Variants in ACSM2A observed in about 807,000 individuals in gnomAD.
ACSM2A encodes acyl-CoA synthetase medium chain family member 2A.
ACSM2A carries 72 observed loss-of-function variants against 76.6 expected under a neutral mutation model. The observed-to-expected ratio is 0.94, with a 90% CI of 0.78 to 1.14. ACSM2A has a LOEUF of 1.14. Ranked by LOEUF, ACSM2A falls within the 50% of genes most tolerant of loss-of-function variation. The pLI is 0.00. For synonymous variants in ACSM2A, 249 were observed against 255.9 expected, an observed-to-expected ratio of 0.97 and a Z score of 0.26; for missense variants, 684 against 708.5, an observed-to-expected ratio of 0.97 and a Z score of 0.39.
chr16:20,474,063 T>TG (rs2013578361), intron 6 of ACSM2A: 2 of 450,654 alleles, frequency 4.4e-6, no homozygotes, highest in African/African-American at 4.0e-5. Context: ...CAAACCAATG[T>TG]ATTTTTTAAA....
Position 20,486,623 on chromosome 16 carries a change from G to T in ACSM2A, c.1679G>T (p.Arg560Leu). 6.2e-7 allele frequency: 1 copy of T among 1,614,160 alleles called. No individual in the cohort carries two copies. The highest frequency in any genetic ancestry group is 8.5e-7 in the Non-Finnish European group (1 of 1,180,014). The change falls in exon 14 of 14, where the codon CGA becomes CTA. Residue 560 changes from arginine to leucine, a missense_variant. Coordinates refer to ENST00000573854, the MANE Select transcript of ACSM2A (RefSeq NM_001308172.2). ...AAGACTGTCACAGGGAAAATTCAAC[G>T]AGCCAAGCTTCGAGACAAGGAGTGG... The part of the protein sequence containing the change: ...LPKTVTGKIQ[R>L]AKLRDKEWKM...
Position 20,471,671 on chromosome 16 carries a change from C to A in ACSM2A, c.876C>A (p.Asp292Glu), listed in dbSNP as rs761942823. The change falls in exon 6 of 14, where the codon GAC (aspartate) becomes GAA (glutamate). Residue 292 changes from aspartate to glutamate, a missense_variant. Coordinates refer to ENST00000573854, the MANE Select transcript of ACSM2A (RefSeq NM_001308172.2). Reference protein sequence around the residue: ...CTFVHLLPKFDPLVILKTLSS... With the variant: ...CTFVHLLPKFEPLVILKTLSS... Reference sequence around the variant, plus strand: ...TTGTTCATCTCTTGCCAAAGTTTGACCCACTGGTTATTCTAAAGGTAAGAG... The same window carrying A: ...TTGTTCATCTCTTGCCAAAGTTTGAACCACTGGTTATTCTAAAGGTAAGAG... 6.2e-6 allele frequency: 10 copies of A among 1,613,600 alleles called. No homozygotes were observed. Among genetic ancestry groups the A allele is most frequent in the Non-Finnish European group, 8.5e-6 (10 of 1,179,656 alleles).
intron 2 of ACSM2A, among the ~76,000 whole-genome samples, chr16:20,463,568 C>G: frequency 6.6e-6 from 1 of 152,066 alleles, no homozygotes; most frequent in Non-Finnish European, 1.5e-5. Context: ...TGCACCTGCT[C>G]CCCCTTCACC....
At chr16:20,466,955 G>C (rs1439394852) in intron 3 of ACSM2A, among the ~76,000 whole-genome samples, 1 of 152,164 alleles carries the variant, frequency 6.6e-6, no homozygotes, top group Non-Finnish European at 1.5e-5. Context: ...GTTAGTTTCA[G>C]GAAAGAGCTA....
chr16:20,476,647 C>T (rs1255212039), intron 8 of ACSM2A: 2 of 986,170 alleles, frequency 2.0e-6, no homozygotes, highest in African/African-American at 3.5e-5. Flanking sequence ...CACTCAGCAG[C>T]CTCTCTTCTG....
chr16:20,479,398 T>C (rs2141754713), intron 10 of ACSM2A, among the ~76,000 whole-genome samples: 1 of 152,320 alleles, frequency 6.6e-6, no homozygotes, highest in East Asian at 1.9e-4. Flanking sequence ...CATTTAAACT[T>C]TAAACTCGTT....
chr16:20,467,565 G>A (rs1240113166), intron 3 of ACSM2A, among the ~76,000 whole-genome samples: 1 of 152,140 alleles, frequency 6.6e-6, no homozygotes, highest in African/African-American at 2.4e-5. Flanking sequence ...CAATTGGGGG[G>A]TGAACTAATA....
At chr16:20,483,987 G>T (rs2014261434) in intron 13 of ACSM2A, among the ~76,000 whole-genome samples, 1 of 151,254 alleles carries the variant, frequency 6.6e-6, no homozygotes, top group Non-Finnish European at 1.5e-5. Flanking sequence ...GGCTCTATCA[G>T]CTCCAAACAT....
chr16:20,461,951 C>G (rs9934848), intron 2 of ACSM2A, among the ~76,000 whole-genome samples: 3,991 of 152,064 alleles, frequency 0.026, 171 homozygotes, highest in African/African-American at 0.09. Context: ...CTACTGATTG[C>G]TTAGGAATGA....
chr16:20,457,273 A>G (rs2012234848), intron 1 of ACSM2A, among the ~76,000 whole-genome samples: 1 of 152,032 alleles, frequency 6.6e-6, no homozygotes, highest in Non-Finnish European at 1.5e-5. Context: ...TATCGACGCT[A>G]TTCCACAAGA....
chr16:20,470,883 T>C, intron 4 of ACSM2A, 190 bp from the exon 5 acceptor site: 10 of 832,686 alleles, frequency 1.2e-5, no homozygotes, highest in Non-Finnish European at 1.8e-5. Flanking sequence ...AGTGTGAAAC[T>C]TCAGTAGTTT....
chr16:20,481,179 A>T lies in ACSM2A; in HGVS notation c.1509+258A>T, dbSNP rs566056507. The T allele has an allele frequency of 3.1e-5, 15 of 491,746 alleles. No homozygotes were observed. In the Admixed American group the frequency reaches 4.6e-4, roughly 15 times the overall value. The allele number at this position is 491,746 out of a possible 1,614,324, so 30.5% of individuals were successfully genotyped here. On this transcript the variant is annotated intron_variant, in intron 12 of 13. Transcript: ENST00000573854. ...ACTTAAGTATGGTGATTTCTAAAAA[A>T]ACTAAACAGAACTACCATACGATCC...
intron 9 of ACSM2A, among the ~76,000 whole-genome samples, chr16:20,478,230 T>C (rs1190788980): frequency 6.6e-6 from 1 of 152,174 alleles, no homozygotes; most frequent in African/African-American, 2.4e-5. Context: ...GCTAGTAAGG[T>C]AGCAGAGTAA....
chr16:20,477,245 G>C (rs780572839), intron 8 of ACSM2A, 124 bp from the exon 9 acceptor site: 6 of 1,412,092 alleles, frequency 4.2e-6, no homozygotes, highest in Non-Finnish European at 5.6e-6. Context: ...GAGGAGCAGG[G>C]GGAGCCACCA....
intron 2 of ACSM2A, among the ~76,000 whole-genome samples, chr16:20,462,376 G>A (rs775893943): frequency 3.9e-5 from 6 of 152,162 alleles, no homozygotes; most frequent in Non-Finnish European, 8.8e-5. Context: ...GGAAGAGACT[G>A]TTGTCATCCT....
At position 20,471,533 on chromosome 16, in the gene ACSM2A, C is replaced by T. The variant is rs2013402503; in HGVS notation, c.741-3C>T. ...TGTACATGTGTTTTGTCTGTGTTTT[C>T]AGTTGGACAGGCCTGCAAGCCTCTG... On this transcript the variant is annotated splice_polypyrimidine_tract_variant and splice_region_variant and intron_variant, in intron 5 of 13. Transcript: ENST00000573854. 1.2e-6 allele frequency: 2 copies of T among 1,608,480 alleles called. No individual in the cohort carries two copies. The highest frequency in any genetic ancestry group is 2.7e-5 in the African/African-American group (2 of 74,716).
intron 6 of ACSM2A, among the ~76,000 whole-genome samples, chr16:20,472,645 G>A (rs2013488362): frequency 6.6e-6 from 1 of 151,630 alleles, no homozygotes; most frequent in Non-Finnish European, 1.5e-5. Flanking sequence ...GACAGCATCT[G>A]CCCCCCATAA....
In ACSM2A at chr16:20,475,711, C is replaced by T. The variant is rs149973694; in HGVS notation, c.1036C>T (p.Leu346=). ...TVGESLLPET[L]ENWRAQTGLD... ...AGGGGAGTCCCTTCTTCCAGAAACT[C>T]TGGAGAACTGGAGGGCCCAGACAGG... The change falls in exon 8 of 14, where the codon CTG becomes TTG. Residue 346 remains leucine (L), a synonymous_variant. Coordinates refer to ENST00000573854, the MANE Select transcript of ACSM2A (RefSeq NM_001308172.2). 1.8e-3 allele frequency: 2,968 copies of T among 1,614,050 alleles called. 41 individuals carry two copies. The African/African-American group carries it at 0.032, about 17-fold the overall frequency.
At chr16:20,475,049 C>G (rs1164894394) in intron 6 of ACSM2A, among the ~76,000 whole-genome samples, 1 of 152,164 alleles carries the variant, frequency 6.6e-6, no homozygotes, top group East Asian at 1.9e-4. Context: ...GGGGGGTGAT[C>G]TACTCCTAGG....
Sources: gnomAD v4.1 joint callset for allele counts (sites outside exome capture counted in the v4.1 genomes callset) on GRCh38, gnomAD v4.1.1 for gene constraint, MANE v1.5 for transcripts, NCBI Gene and HGNC (gene_info 2026-07-23, HGNC 2026-07-21) for gene names.